RIMS1: variants seen among roughly 807,000 people sequenced by gnomAD.
RIMS1 encodes the protein regulating synaptic membrane exocytosis protein 1.
Under a neutral mutation model 214.1 loss-of-function variants are expected in RIMS1, and 83 were observed. The observed-to-expected ratio is 0.39, with a 90% confidence interval of 0.32 to 0.47. The LOEUF (loss-of-function observed/expected upper bound fraction) is 0.47. RIMS1 is among the 20% of genes least tolerant of loss of function. RIMS1 has a pLI of 0.99. For synonymous variants in RIMS1, 793 were observed against 786.8 expected (o/e 1.01, Z -0.13); for missense variants, 2,050 against 2,161.8 (o/e 0.95, Z 1.03).
intron 19 of RIMS1, chr6:72,261,923 G>A (rs2154165403): frequency 8.1e-6 from 8 of 984,728 alleles, no homozygotes; most frequent in South Asian, 4.7e-5. Flanking sequence ...GAAGGTCAAA[G>A]CATGAACTAT....
intron 26 of RIMS1, among the ~76,000 whole-genome samples, chr6:72,294,193 C>T (rs1280910697): frequency 6.6e-6 from 1 of 151,398 alleles, no homozygotes; most frequent in Non-Finnish European, 1.5e-5. Flanking sequence ...TTTGTTTGTC[C>T]TAAAATATGT....
intron 29 of RIMS1, among the ~76,000 whole-genome samples, chr6:72,365,432 A>T (rs940570634): frequency 6.6e-6 from 1 of 152,248 alleles, no homozygotes; most frequent in Non-Finnish European, 1.5e-5. Flanking sequence ...TGAATTACAT[A>T]GACTTCATCC....
intron 4 of RIMS1, among the ~76,000 whole-genome samples, chr6:72,169,606 T>C (rs989645904): frequency 6.6e-6 from 1 of 152,092 alleles, no homozygotes; most frequent in Non-Finnish European, 1.5e-5. Flanking sequence ...AGAGATCCTA[T>C]TAAAACCCAA....
chr6:71,933,537 G>A (rs1012186958), intron 1 of RIMS1, among the ~76,000 whole-genome samples: 1 of 152,076 alleles, frequency 6.6e-6, no homozygotes, highest in African/African-American at 2.4e-5. Flanking sequence ...CACTGGAAAC[G>A]GAAATGGACT....
At chr6:72,372,403 T>A (rs564812971) in intron 29 of RIMS1, among the ~76,000 whole-genome samples, 18 of 152,366 alleles carry the variant, frequency 1.2e-4, no homozygotes, top group African/African-American at 4.3e-4. Context: ...ATCTTTTTAA[T>A]GTTTTAAAGA....
chr6:72,085,454 A>G (rs980913206), intron 2 of RIMS1, among the ~76,000 whole-genome samples: 1 of 152,178 alleles, frequency 6.6e-6, no homozygotes, highest in African/African-American at 2.4e-5. Context: ...ATCAGGTTAA[A>G]TATGTGTATA....
At chr6:72,324,870 G>A (rs2096378769) in intron 28 of RIMS1, among the ~76,000 whole-genome samples, 1 of 151,790 alleles carries the variant, frequency 6.6e-6, no homozygotes, top group South Asian at 2.1e-4. Flanking sequence ...TTGCAACAGA[G>A]TCAGTATGAA....
At chr6:72,390,570 T>TA (rs1416788235) in intron 29 of RIMS1, 28 bp from the exon 30 acceptor site, 3 of 1,591,386 alleles carry the variant, frequency 1.9e-6, no homozygotes, top group Non-Finnish European at 1.7e-6. Flanking sequence ...AAATAAAACT[T>TA]AGAGTTTCTT....
chr6:72,010,202 C>A (rs1809848089), intron 2 of RIMS1, among the ~76,000 whole-genome samples: 1 of 152,022 alleles, frequency 6.6e-6, no homozygotes. Flanking sequence ...CGTAATCCAG[C>A]ATATAAACAG....
intron 4 of RIMS1, among the ~76,000 whole-genome samples, chr6:72,163,806 G>C (rs9446585): frequency 0.91 from 121,601 of 133,136 alleles, 55,848 homozygotes; most frequent in East Asian, 1. Flanking sequence ...GGCTGGGGGG[G>C]GGGGGCCTCC....
intron 4 of RIMS1, chr6:72,175,394 TG>T: frequency 2.4e-6 from 1 of 420,702 alleles, no homozygotes; most frequent in Non-Finnish European, 4.8e-6. Flanking sequence ...AATTCTGAGT[TG>T]GGTGCAGTGG....
chr6:71,903,335 G>C (rs1412099702), intron 1 of RIMS1, among the ~76,000 whole-genome samples: 2 of 152,198 alleles, frequency 1.3e-5, no homozygotes, highest in South Asian at 4.1e-4. Flanking sequence ...TTCTTTAAAA[G>C]TGTCTGTTCA....
intron 6 of RIMS1, among the ~76,000 whole-genome samples, chr6:72,211,500 G>A (rs1180470011): frequency 6.6e-6 from 1 of 152,174 alleles, no homozygotes; most frequent in Non-Finnish European, 1.5e-5. Context: ...CTGTAGATTA[G>A]TAGAGATGTT....
intron 1 of RIMS1, among the ~76,000 whole-genome samples, chr6:71,916,476 C>T (rs1225268992): frequency 3.3e-5 from 5 of 152,070 alleles, no homozygotes; most frequent in Non-Finnish European, 5.9e-5. Context: ...TGCCTGCTCT[C>T]CTTCCAGTGG....
intron 4 of RIMS1, among the ~76,000 whole-genome samples, chr6:72,102,780 T>A (rs901201410): frequency 6.6e-6 from 1 of 152,088 alleles, no homozygotes; most frequent in Non-Finnish European, 1.5e-5. Context: ...ATGATTTGTT[T>A]CTTTCTCTGG....
At chr6:72,081,738 T>C (rs1833464949) in intron 2 of RIMS1, among the ~76,000 whole-genome samples, 1 of 152,168 alleles carries the variant, frequency 6.6e-6, no homozygotes, top group East Asian at 1.9e-4. Flanking sequence ...ATCCTTCTGA[T>C]AGTCTCTGGA....
intron 2 of RIMS1, among the ~76,000 whole-genome samples, chr6:71,971,913 G>A (rs2151379402): frequency 6.6e-6 from 1 of 152,262 alleles, no homozygotes; most frequent in East Asian, 1.9e-4. Context: ...ATGGACAGTG[G>A]TGAGTTCAGA....
At chr6:72,092,209 G>A (rs1836418394) in intron 2 of RIMS1, among the ~76,000 whole-genome samples, 1 of 152,100 alleles carries the variant, frequency 6.6e-6, no homozygotes, top group Non-Finnish European at 1.5e-5. Flanking sequence ...GCAGGTTATG[G>A]AATAGGTAGA....
intron 2 of RIMS1, among the ~76,000 whole-genome samples, chr6:72,045,682 C>A (rs1822796538): frequency 6.6e-6 from 1 of 151,910 alleles, no homozygotes; most frequent in South Asian, 2.1e-4. Context: ...GTTTTAAAAT[C>A]TTTTCCAGCT....
Sources: gnomAD v4.1 joint callset for allele counts (sites outside exome capture counted in the v4.1 genomes callset) on GRCh38, gnomAD v4.1.1 for gene constraint, MANE v1.5 for transcripts, NCBI Gene and HGNC (gene_info 2026-07-23, HGNC 2026-07-21) for gene names.